PIWIL1: variants seen among roughly 807,000 people sequenced by gnomAD.
PIWIL1 encodes piwi like RNA-mediated gene silencing 1.
A neutral mutation model predicts 114.4 loss-of-function variants in PIWIL1; 73 were observed. That is an observed-to-expected ratio of 0.64 (90% CI 0.53 to 0.78). The LOEUF (loss-of-function observed/expected upper bound fraction) is 0.78. PIWIL1 is among the 30% of genes least tolerant of loss of function. The probability of loss-of-function intolerance (pLI) is 0.00; values close to 1 mark genes in which losing one functional copy is unlikely to be tolerated. For missense variants in PIWIL1, 723 were observed against 1,063.1 expected (o/e 0.68, Z 4.45); for synonymous variants, 375 against 369.0 (o/e 1.02, Z -0.19).
chr12:130,392,441 C>G, the PIWIL1 span, among the ~76,000 whole-genome samples: 6 of 6,630 alleles, frequency 9.0e-4, no homozygotes, highest in African/African-American at 1.3e-3. Flanking sequence ...CATCACGTGT[C>G]TGTCAGTTAC....
chr12:130,402,420 T>A, the PIWIL1 span, among the ~76,000 whole-genome samples: 1 of 152,002 alleles, frequency 6.6e-6, no homozygotes, highest in African/African-American at 2.4e-5. Flanking sequence ...GAGTCTGCCT[T>A]CCCCTGGTAC....
chr12:130,406,028 C>T, the PIWIL1 span: 5 of 620,860 alleles, frequency 8.1e-6, no homozygotes, highest in Admixed American at 3.0e-5. Flanking sequence ...AGTTCTATAA[C>T]TCAGCCAATT....
chr12:130,343,037 A>C lies in PIWIL1; in HGVS notation c.126A>C (p.Ala42=), dbSNP rs1314469317. The C allele has an allele frequency of 6.2e-7, 1 of 1,614,148 alleles. No homozygotes were observed. Among genetic ancestry groups the C allele is most frequent in the East Asian group, 2.2e-5 (1 of 44,878 alleles). ...YIQPRPQPPP[A]EGELFGRGRQ... ...AGCCTAGGCCTCAGCCGCCACCAGC[A>C]GAGGGGGAATTATTTGGCCGTGGAC... Residue 42 remains alanine (A), a synonymous_variant, in exon 3 of 21, where the codon GCA becomes GCC. Transcript: ENST00000245255.
At chr12:130,397,444 C>T in the PIWIL1 span, 2 of 398,908 alleles carry the variant, frequency 5.0e-6, no homozygotes, top group Non-Finnish European at 8.8e-6. Flanking sequence ...ATTTCCCTGC[C>T]TCTCCCAGGA....
chr12:130,342,367 C>G, intron 1 of PIWIL1: 1 of 553,964 alleles, frequency 1.8e-6, no homozygotes, highest in Non-Finnish European at 3.3e-6. Flanking sequence ...CCCTTTGGCC[C>G]TACTGCAGTG....
chr12:130,339,514 C>G (rs1415438952), intron 1 of PIWIL1: 1 of 151,728 alleles, frequency 6.6e-6, no homozygotes, highest in Non-Finnish European at 1.5e-5. Flanking sequence ...GTGGAAGCGT[C>G]TTTGGCAGAG....
the PIWIL1 span, among the ~76,000 whole-genome samples, chr12:130,406,014 G>A: frequency 2.0e-5 from 3 of 152,152 alleles, no homozygotes; most frequent in Non-Finnish European, 4.4e-5. Context: ...CTATAACTCA[G>A]CAAAGTTCTA....
rs568954594 is a variant in PIWIL1, at chr12:130,352,181, G to A, written c.1044+2214G>A. Among the ~76,000 whole-genome samples, 48 of 152,272 alleles carry A rather than the reference G, an allele frequency of 3.2e-4. 2 individuals carry two copies. The South Asian group carries it at 9.8e-3, about 31-fold the overall frequency. ...CGTTAAGATATTTAAAAGAATCAAA[G>A]CCTTCTTAGATTTTCTGGTAGAAAT... On this transcript the variant is annotated intron_variant, in intron 9 of 20. Transcript: ENST00000245255.
chr12:130,399,619 T>C, the PIWIL1 span: 9 of 1,587,030 alleles, frequency 5.7e-6, 1 homozygote, highest in Admixed American at 1.5e-4. Flanking sequence ...GCAAAGATTG[T>C]ATTAGACCAC....
the PIWIL1 span, among the ~76,000 whole-genome samples, chr12:130,406,449 A>C: frequency 2.0e-5 from 3 of 152,242 alleles, no homozygotes; most frequent in Non-Finnish European, 4.4e-5. Flanking sequence ...GTGCACCTAA[A>C]AGGAAAATGC....
the PIWIL1 span, among the ~76,000 whole-genome samples, chr12:130,420,598 A>T: frequency 2.6e-4 from 39 of 151,110 alleles, no homozygotes; most frequent in East Asian, 3.5e-3. This position sits in a 1 kb window ranked among gnomAD's most constrained non-coding sequence, Gnocchi z 4.3. Context: ...ATGCAGTTTT[A>T]AAAAAAAAGT....
the PIWIL1 span, among the ~76,000 whole-genome samples, chr12:130,386,102 T>G: frequency 1.4e-3 from 219 of 152,304 alleles, 2 homozygotes; most frequent in African/African-American, 5.2e-3. Flanking sequence ...TGTTGTGGTT[T>G]GCTTCAGACT....
chr12:130,374,546 C>T (rs1386865955), downstream of PIWIL1, among the ~76,000 whole-genome samples: 2 of 152,134 alleles, frequency 1.3e-5, no homozygotes, highest in African/African-American at 4.8e-5. Context: ...GGCCACCATT[C>T]AAAGGAGGCT....
At chr12:130,355,744 G>A in intron 12 of PIWIL1, 77 bp downstream of exon 12, 2 of 1,008,170 alleles carry the variant, frequency 2.0e-6, no homozygotes, top group Non-Finnish European at 3.2e-6. Flanking sequence ...GGAGTACAGT[G>A]GTGCAATCTC....
At chr12:130,354,515 G>A (rs748671026) in intron 9 of PIWIL1, 22 bp from the exon 10 acceptor site, 10 of 1,613,634 alleles carry the variant, frequency 6.2e-6, no homozygotes, top group Admixed American at 3.3e-5. Context: ...CGTGAACAGC[G>A]ACCCTTTCGT....
intron 7 of PIWIL1, among the ~76,000 whole-genome samples, chr12:130,348,961 G>C (rs1247201675): frequency 6.6e-6 from 1 of 152,158 alleles, no homozygotes; most frequent in Non-Finnish European, 1.5e-5. Flanking sequence ...TAATTGTGGT[G>C]CTTTCAATTA....
the PIWIL1 span, among the ~76,000 whole-genome samples, chr12:130,381,707 A>G: frequency 6.6e-6 from 1 of 152,180 alleles, no homozygotes; most frequent in African/African-American, 2.4e-5. Context: ...AGGTAAGACT[A>G]TGTTTAGTTT....
At chr12:130,361,038 C>T in intron 14 of PIWIL1, 142 bp from the exon 15 acceptor site, 2 of 668,076 alleles carry the variant, frequency 3.0e-6, no homozygotes, top group East Asian at 2.7e-5. Context: ...TACTGATTAG[C>T]TGTGTGGCTG....
chr12:130,355,070 G>T (rs1460653206), intron 11 of PIWIL1, 65 bp downstream of exon 11: 2 of 985,070 alleles, frequency 2.0e-6, no homozygotes, highest in African/African-American at 1.7e-5. Flanking sequence ...GTGGCTTTGA[G>T]GGGTATCTTT....
Sources: gnomAD v4.1 joint callset for allele counts (sites outside exome capture counted in the v4.1 genomes callset) on GRCh38, gnomAD v4.1.1 for gene constraint, Gnocchi (gnomAD v3.1) non-coding constraint, MANE v1.5 for transcripts, NCBI Gene and HGNC (gene_info 2026-07-23, HGNC 2026-07-21) for gene names.